Variants in NLRP9 observed in about 807,000 individuals in gnomAD.
NLRP9 encodes NLR family pyrin domain containing 9.
NLRP9 carries 88 observed loss-of-function variants against 83.1 expected under a neutral mutation model. The observed-to-expected ratio is 1.06, with a 90% CI of 0.89 to 1.26. NLRP9 has a LOEUF of 1.26. Among genes scored for constraint, NLRP9 ranks in the 50% most tolerant of loss-of-function variants. The probability of loss-of-function intolerance (pLI) is 0.00; values close to 1 mark genes in which losing one functional copy is unlikely to be tolerated. For missense variants in NLRP9, 1,308 were observed against 1,179.3 expected, an observed-to-expected ratio of 1.11 and a Z score of -1.60; for synonymous variants, 521 against 447.6, an observed-to-expected ratio of 1.16 and a Z score of -2.07.
At chr19:55,733,779 G>T (rs1335195196) in intron 1 of NLRP9, among the ~76,000 whole-genome samples, 2 of 152,128 alleles carry the variant, frequency 1.3e-5, no homozygotes, top group African/African-American at 4.8e-5. Flanking sequence ...AGTCTGATAA[G>T]AAACATTTTA....
At chr19:55,716,395 A>G (rs1481482681) in intron 5 of NLRP9, among the ~76,000 whole-genome samples, 1 of 150,990 alleles carries the variant, frequency 6.6e-6, no homozygotes, top group Non-Finnish European at 1.5e-5. Context: ...AGTAGCTGGG[A>G]GTATGGGCAT....
chr19:55,737,757 A>AC (rs1182097079), intron 1 of NLRP9, among the ~76,000 whole-genome samples: 4 of 148,956 alleles, frequency 2.7e-5, no homozygotes, highest in African/African-American at 1.0e-4. Flanking sequence ...AAAAAAAAAA[A>AC]AAAGATAGGC....
chr19:55,717,022 A>C, intron 4 of NLRP9, 124 bp from the exon 5 acceptor site: 2 of 604,044 alleles, frequency 3.3e-6, no homozygotes, highest in Non-Finnish European at 5.6e-6. Flanking sequence ...TCTACACTAC[A>C]GACTCTTTTT....
chr19:55,734,576 T>TAC (rs1988726174), intron 1 of NLRP9, among the ~76,000 whole-genome samples: 5 of 146,874 alleles, frequency 3.4e-5, no homozygotes, highest in South Asian at 2.1e-4. Flanking sequence ...TACACACATA[T>TAC]ACATATATAC....
At chr19:55,717,043 T>A in intron 4 of NLRP9, 145 bp from the exon 5 acceptor site, 3 of 612,050 alleles carry the variant, frequency 4.9e-6, no homozygotes, top group Non-Finnish European at 5.5e-6. Flanking sequence ...CTTTTTTTTT[T>A]TTTTTTTTGA....
chr19:55,712,710 G>GGGTGGGGAGGGGAA, intron 6 of NLRP9, 120 bp from the exon 7 acceptor site: 1 of 781,416 alleles, frequency 1.3e-6, no homozygotes, highest in Non-Finnish European at 2.0e-6. Context: ...ATGATGAGGA[G>GGGTGGGGAGGGGAA]GGTGGGGAGG....
chr19:55,722,316 C>T (rs1014538627), intron 4 of NLRP9, among the ~76,000 whole-genome samples: 1 of 151,854 alleles, frequency 6.6e-6, no homozygotes, highest in Non-Finnish European at 1.5e-5. Flanking sequence ...GAGCAAAATA[C>T]TATAGAATTT....
At chr19:55,730,796 T>C (rs1335525586) in intron 2 of NLRP9, among the ~76,000 whole-genome samples, 1 of 152,032 alleles carries the variant, frequency 6.6e-6, no homozygotes, top group Non-Finnish European at 1.5e-5. Flanking sequence ...TCAGGAAGAA[T>C]AGCTAGTGGA....
intron 1 of NLRP9, among the ~76,000 whole-genome samples, chr19:55,737,034 C>T (rs1483784955): frequency 6.6e-6 from 1 of 151,958 alleles, no homozygotes; most frequent in South Asian, 2.1e-4. Context: ...GAGAAGATAA[C>T]AATCATCAGA....
At chr19:55,734,572 C>T (rs1340319530) in intron 1 of NLRP9, among the ~76,000 whole-genome samples, 5 of 147,700 alleles carry the variant, frequency 3.4e-5, no homozygotes, top group South Asian at 2.1e-4. Context: ...TATATACACA[C>T]ATATACATAT....
chr19:55,716,991 C>A, intron 4 of NLRP9, 93 bp from the exon 5 acceptor site: 2 of 869,484 alleles, frequency 2.3e-6, no homozygotes, highest in Non-Finnish European at 3.7e-6. Flanking sequence ...TGATTCTAGT[C>A]TTGCACCTGC....
chr19:55,728,880 C>T (rs1182894969), intron 3 of NLRP9, among the ~76,000 whole-genome samples: 1 of 152,002 alleles, frequency 6.6e-6, no homozygotes, highest in South Asian at 2.1e-4. Flanking sequence ...CCAGGCAAAT[C>T]AAGATAAGTA....
intron 3 of NLRP9, among the ~76,000 whole-genome samples, chr19:55,727,029 G>A (rs908845480): frequency 6.6e-6 from 1 of 152,124 alleles, no homozygotes; most frequent in African/African-American, 2.4e-5. Context: ...AAGGCAGGTG[G>A]ATCACATGAG....
intron 1 of NLRP9, among the ~76,000 whole-genome samples, chr19:55,733,919 A>ATTTTTTTTTTTTTTTTTTTTTT (rs765779528): frequency 3.4e-5 from 4 of 117,866 alleles, no homozygotes; most frequent in African/African-American, 1.4e-4. Context: ...TGTCAACCAA[A>ATTTTTTTTTTTTTTTTTTTTTT]TTTTTTTTTT....
chr19:55,708,843 G>C lies in NLRP9; in HGVS notation c.*69C>G. 9.0e-7 allele frequency: 1 copy of C among 1,116,134 alleles called. No homozygotes were observed. The highest frequency in any genetic ancestry group is 1.6e-5 in the African/African-American group (1 of 61,196). The allele number at this position is 1,116,134 out of a possible 1,614,324, so 69.1% of individuals were successfully genotyped here. A position where few individuals can be genotyped will look rare whatever the true frequency, so the allele number is the denominator to read the frequency against. On this transcript the variant is annotated 3_prime_UTR_variant, in exon 9 of 9. Coordinates refer to ENST00000332836, the MANE Select transcript of NLRP9 (RefSeq NM_176820.4). ...CATGATGTGCAATTACAGGATAGAG[G>C]TGCCAGGTGAAGGTCCCACTGTGGC...
chr19:55,712,695 C>G, intron 6 of NLRP9, 105 bp from the exon 7 acceptor site: 1 of 809,066 alleles, frequency 1.2e-6, no homozygotes, highest in South Asian at 1.6e-5. Context: ...CCAAGTAAAT[C>G]TGAGATGATG....
intron 4 of NLRP9, among the ~76,000 whole-genome samples, chr19:55,723,104 T>C (rs528541019): frequency 1.3e-5 from 2 of 151,988 alleles, no homozygotes; most frequent in East Asian, 1.9e-4. Context: ...ATGTAACAAA[T>C]CTGCACGTTG....
chr19:55,731,390 AAGAG>A (rs369135227), intron 2 of NLRP9, among the ~76,000 whole-genome samples: 2 of 151,914 alleles, frequency 1.3e-5, no homozygotes, highest in African/African-American at 4.8e-5. Context: ...AAAGGAAAGA[AAGAG>A]AGAAAAAAAG....
chr19:55,724,841 T>G (rs1280697628), intron 3 of NLRP9, among the ~76,000 whole-genome samples: 1 of 152,106 alleles, frequency 6.6e-6, no homozygotes, highest in Non-Finnish European at 1.5e-5. Context: ...GCAGATCACA[T>G]GAGGTCAGGA....
Sources: gnomAD v4.1 joint callset for allele counts (sites outside exome capture counted in the v4.1 genomes callset) on GRCh38, gnomAD v4.1.1 for gene constraint, MANE v1.5 for transcripts, NCBI Gene and HGNC (gene_info 2026-07-23, HGNC 2026-07-21) for gene names.